The following EXOC4 variants were observed in gnomAD, a reference collection of about 807,000 sequenced individuals.
EXOC4 encodes SEC8-like 1.
A neutral mutation model predicts 107.2 loss-of-function variants in EXOC4; 71 were observed. The observed-to-expected ratio is 0.66, with a 90% CI of 0.55 to 0.81. The LOEUF is 0.81. Ranked by LOEUF, EXOC4 falls within the 30% of genes least tolerant of loss-of-function variation. The pLI is 0.00. For synonymous variants in EXOC4, 456 were observed against 441.2 expected, an observed-to-expected ratio of 1.03 and a Z score of -0.42; for missense variants, 1,108 against 1,189.6, an observed-to-expected ratio of 0.93 and a Z score of 1.01.
At chr7:133,915,832 G>C (rs1396694260) in intron 12 of EXOC4, among the ~76,000 whole-genome samples, 8 of 152,202 alleles carry the variant, frequency 5.3e-5, no homozygotes. Flanking sequence ...CAATTTTTGT[G>C]TCTCTGACCA....
In EXOC4 at chr7:133,423,204, C is replaced by A. The variant is rs1266778584; in HGVS notation, c.1182+48202C>A. On this transcript the variant is annotated intron_variant, in intron 7 of 17. Transcript: ENST00000253861. Reference sequence around the variant, plus strand: ...ACTGCAGTCCGCAGTCCAGCCTGGGCGACAGAGCGAGACTCCGTCTCCAAA... The same window carrying A: ...ACTGCAGTCCGCAGTCCAGCCTGGGAGACAGAGCGAGACTCCGTCTCCAAA... Among the ~76,000 whole-genome samples, 2 of 3,166 alleles carry A rather than the reference C, an allele frequency of 6.3e-4. 1 individual carries two copies. Among genetic ancestry groups the A allele is most frequent in the Non-Finnish European group, 8.5e-4 (2 of 2,364 alleles). 2.1% of individuals were successfully genotyped at this position (3,166 alleles called of 152,430 possible).
chr7:133,699,557 A>G (rs996606333), intron 10 of EXOC4, among the ~76,000 whole-genome samples: 1 of 152,146 alleles, frequency 6.6e-6, no homozygotes, highest in African/African-American at 2.4e-5. Flanking sequence ...GTCTCCTTGT[A>G]GAACTAATCT....
intron 14 of EXOC4, among the ~76,000 whole-genome samples, chr7:133,951,396 A>G (rs1430546707): frequency 6.6e-6 from 1 of 152,208 alleles, no homozygotes; most frequent in African/African-American, 2.4e-5. Context: ...CACCTGGTAC[A>G]ATGCCTGCAA....
chr7:133,570,915 C>A (rs1038409867), intron 9 of EXOC4, among the ~76,000 whole-genome samples: 6 of 152,170 alleles, frequency 3.9e-5, no homozygotes, highest in African/African-American at 1.4e-4. Context: ...TAAGACTGTG[C>A]TACTTAATAT....
downstream of EXOC4, among the ~76,000 whole-genome samples, chr7:134,070,234 T>C (rs189622986): frequency 9.8e-5 from 15 of 152,346 alleles, no homozygotes; most frequent in East Asian, 1.9e-3. Context: ...ACAGTTGTTA[T>C]AAGAAGTACA....
chr7:134,059,556 A>G (rs954777580), intron 17 of EXOC4, among the ~76,000 whole-genome samples: 6 of 152,202 alleles, frequency 3.9e-5, no homozygotes, highest in African/African-American at 1.4e-4. Context: ...ATAGGAGGAT[A>G]AATTGATAGA....
rs546934787 is a variant in EXOC4, at chr7:133,430,958, A to G, written c.1183-44370A>G. On this transcript the variant is annotated intron_variant, in intron 7 of 17. Coordinates refer to ENST00000253861, the MANE Select transcript of EXOC4 (RefSeq NM_021807.4). The stretch of plus-strand genomic sequence containing the variant: ...GTCCATTTTGTTCACTTCTGTATCC[A>G]CTCCACCTGTGTCAGCACTGTAAAT... Among the ~76,000 whole-genome samples, 18 of 152,140 alleles carry G rather than the reference A, an allele frequency of 1.2e-4. No homozygotes were observed. In the South Asian group the frequency reaches 3.7e-3, roughly 32 times the overall value.
At position 133,847,916 on chromosome 7, in the gene EXOC4, G is replaced by C. The variant is rs1352896750; in HGVS notation, c.1734+30372G>C. ...TTTTTTTTTTTGTATTTTTAGTAGA[G>C]ACACAGTTTCACCATGTTGGCCAGG... On this transcript the variant is annotated intron_variant, in intron 11 of 17. Transcript: ENST00000253861. Among the ~76,000 whole-genome samples, 42 of 117,608 alleles carry C rather than the reference G, an allele frequency of 3.6e-4. 1 individual carries two copies. In the East Asian group the frequency reaches 0.01, roughly 28 times the overall value. The allele number at this position is 117,608 out of a possible 152,430, so 77.2% of individuals were successfully genotyped here. A position where few individuals can be genotyped will look rare whatever the true frequency, so the allele number is the denominator to read the frequency against.
rs575067038 is a variant in EXOC4 at position 133,967,282 on chromosome 7, C to T, written c.2206+29213C>T. ...CTTAAAAAACCAGCTCCTGGATTCA[C>T]TGATTTTTTTTTTGAAGTGTTTTTC... On this transcript the variant is annotated intron_variant, in intron 14 of 17. Coordinates refer to ENST00000253861, the MANE Select transcript of EXOC4 (RefSeq NM_021807.4). Among the ~76,000 whole-genome samples, 18 of 77,128 alleles carry T rather than the reference C, an allele frequency of 2.3e-4. 1 individual carries two copies. The East Asian group carries it at 0.018, about 77-fold the overall frequency. 50.6% of individuals were successfully genotyped at this position (77,128 alleles called of 152,430 possible).
At chr7:133,886,681 A>G (rs1799093919) in intron 11 of EXOC4, among the ~76,000 whole-genome samples, 1 of 152,328 alleles carries the variant, frequency 6.6e-6, no homozygotes, top group East Asian at 1.9e-4. Context: ...AATGAAGAAA[A>G]TCAGGGTTTT....
chr7:133,391,018 A>C (rs553289132), intron 7 of EXOC4, among the ~76,000 whole-genome samples: 2 of 152,310 alleles, frequency 1.3e-5, no homozygotes, highest in African/African-American at 4.8e-5. Flanking sequence ...ATTATATAGA[A>C]AATCTTATAG....
At chr7:133,816,621 C>G (rs1263275867) in intron 10 of EXOC4, among the ~76,000 whole-genome samples, 1 of 152,116 alleles carries the variant, frequency 6.6e-6, no homozygotes, top group East Asian at 1.9e-4. Flanking sequence ...AATCCCCAAC[C>G]TTTTTTGGCA....
At chr7:133,645,086 C>T (rs1353963941) in intron 10 of EXOC4, among the ~76,000 whole-genome samples, 1 of 123,972 alleles carries the variant, frequency 8.1e-6, no homozygotes, top group African/African-American at 3.1e-5. Context: ...CTTCTGCCAC[C>T]TTTTTTTTTT....
chr7:133,535,422 C>G (rs1005634549), intron 9 of EXOC4, among the ~76,000 whole-genome samples: 1 of 152,140 alleles, frequency 6.6e-6, no homozygotes, highest in Non-Finnish European at 1.5e-5. Context: ...TAAAAGAATT[C>G]CTCATACCTG....
At chr7:133,878,837 C>T (rs1309012553) in intron 11 of EXOC4, among the ~76,000 whole-genome samples, 4 of 152,112 alleles carry the variant, frequency 2.6e-5, no homozygotes, top group South Asian at 2.1e-4. Flanking sequence ...GATTCTCCTG[C>T]GTCAGTCTCC....
chr7:133,821,672 A>G (rs1797524654), intron 11 of EXOC4, among the ~76,000 whole-genome samples: 1 of 152,198 alleles, frequency 6.6e-6, no homozygotes, highest in Admixed American at 6.5e-5. Flanking sequence ...AGAACTGTCT[A>G]AATCCCTTAC....
chr7:133,581,803 T>G (rs1235215938), intron 9 of EXOC4, among the ~76,000 whole-genome samples: 1 of 150,080 alleles, frequency 6.7e-6, no homozygotes, highest in Non-Finnish European at 1.5e-5. Context: ...CTGGGTAATT[T>G]ATAAAGGAAA....
At chr7:133,415,761 T>A (rs776507230) in intron 7 of EXOC4, among the ~76,000 whole-genome samples, 7 of 152,102 alleles carry the variant, frequency 4.6e-5, no homozygotes, top group Non-Finnish European at 1.0e-4. Flanking sequence ...ACATAGCTGT[T>A]ATATTATTTT....
At chr7:134,063,163 G>A (rs1796106619) in intron 17 of EXOC4, among the ~76,000 whole-genome samples, 1 of 152,132 alleles carries the variant, frequency 6.6e-6, no homozygotes, top group Non-Finnish European at 1.5e-5. Flanking sequence ...AGGACTCTCT[G>A]CTATTGCTCT....
Sources: allele counts gnomAD v4.1 joint callset (sites outside exome capture counted in the v4.1 genomes callset), GRCh38; gene constraint gnomAD v4.1.1; transcripts MANE v1.5; gene names NCBI Gene and HGNC (gene_info 2026-07-23, HGNC 2026-07-21).